NHSL2: variants seen among roughly 807,000 people sequenced by gnomAD.
The protein encoded by NHSL2 is NHS-like protein 2.
Under a neutral mutation model 53.4 loss-of-function variants are expected in NHSL2, and 27 were observed. That is an observed-to-expected ratio of 0.51 (90% CI 0.37 to 0.70). The LOEUF (loss-of-function observed/expected upper bound fraction) is 0.70, where lower values mean the gene tolerates loss of function less well. Among genes scored for constraint, NHSL2 ranks in the 30% least tolerant of loss-of-function variants. NHSL2 has a pLI of 0.00. For missense variants in NHSL2, 892 were observed against 980.1 expected (o/e 0.91, Z 1.20); for synonymous variants, 408 against 404.1 (o/e 1.01, Z -0.12).
intron 1 of NHSL2, among the ~76,000 whole-genome samples, chrX:72,121,539 C>T (rs1897984166): frequency 9.0e-6 from 1 of 111,726 alleles, no homozygotes; most frequent in Admixed American, 9.4e-5. Flanking sequence ...TCAGCCCCAC[C>T]CTGGGCTGCT....
At chrX:72,071,882 G>A (rs1447765966) in intron 1 of NHSL2, among the ~76,000 whole-genome samples, 1 of 111,385 alleles carries the variant, frequency 9.0e-6, no homozygotes, top group Non-Finnish European at 1.9e-5. Context: ...ATTCATTTTC[G>A]AGGCCTCCTC....
At chrX:71,970,297 T>C (rs2041919754) in intron 1 of NHSL2, among the ~76,000 whole-genome samples, 1 of 112,231 alleles carries the variant, frequency 8.9e-6, no homozygotes, top group Non-Finnish European at 1.9e-5. Context: ...TCCCCGTTTT[T>C]GGAAGAGTTT....
intron 5 of NHSL2, 68 bp from the exon 6 acceptor site, chrX:72,138,373 C>T: frequency 1.1e-6 from 1 of 927,767 alleles, no homozygotes; most frequent in Non-Finnish European, 1.4e-6. Flanking sequence ...AGTTGGTGCT[C>T]CTGTCTCAAA....
chrX:72,079,975 A>T (rs1354613687), intron 1 of NHSL2: 1 of 112,613 alleles, frequency 8.9e-6, no homozygotes, highest in Non-Finnish European at 1.9e-5. Flanking sequence ...AGAGAGAGGA[A>T]ACTCACTTTT....
chrX:72,092,166 G>A (rs1370015506), intron 1 of NHSL2, among the ~76,000 whole-genome samples: 1 of 111,669 alleles, frequency 9.0e-6, no homozygotes, highest in Admixed American at 9.5e-5. Flanking sequence ...TTCCTTGGGC[G>A]ATGGGACATA....
chrX:71,990,131 C>T (rs752383192), intron 1 of NHSL2, among the ~76,000 whole-genome samples: 10 of 110,872 alleles, frequency 9.0e-5, no homozygotes, highest in South Asian at 3.8e-4. Flanking sequence ...AGTTCGGGGG[C>T]GGAGAATGTA....
chrX:72,047,180 C>T (rs1375950086), intron 1 of NHSL2, among the ~76,000 whole-genome samples: 1 of 111,414 alleles, frequency 9.0e-6, no homozygotes, highest in Admixed American at 9.5e-5. Context: ...TCTTCAGCCA[C>T]CATCCTGAAA....
intron 1 of NHSL2, among the ~76,000 whole-genome samples, chrX:71,944,749 C>T (rs2041784558): frequency 8.9e-6 from 1 of 111,759 alleles, no homozygotes; most frequent in African/African-American, 3.3e-5. Context: ...ATTGAATTTG[C>T]ACCCAAAGAA....
rs760359675 is a variant in NHSL2 at position 72,146,376 on chromosome X, A to G, written c.*2802A>G. 5.3e-5 allele frequency: 6 copies of G among 112,466 alleles called. No homozygotes were observed. Among genetic ancestry groups the G allele is most frequent in the East Asian group, 2.8e-4 (1 of 3,592 alleles). The allele number at this position is 112,466 out of a possible 1,213,427, so 9.3% of individuals were successfully genotyped here. The stretch of plus-strand genomic sequence containing the variant: ...CTCTCCCACCCAGGCACTTACCACA[A>G]TGTTTGCTGCCTTCTGCACCTACGC... On this transcript the variant is annotated 3_prime_UTR_variant, in exon 8 of 8. Transcript: ENST00000633930.
At chrX:72,129,404 A>G (rs1033524297) in intron 1 of NHSL2, 1 of 133,691 alleles carries the variant, frequency 7.5e-6, no homozygotes, top group African/African-American at 3.2e-5. Context: ...ATTGGGGCAG[A>G]TCAGTGAGGC....
At chrX:71,991,640 C>T (rs1006869016) in intron 1 of NHSL2, among the ~76,000 whole-genome samples, 4 of 112,665 alleles carry the variant, frequency 3.6e-5, no homozygotes, top group Non-Finnish European at 7.5e-5. Flanking sequence ...CCAAGCACAG[C>T]GTGCCTATTG....
At chrX:72,029,246 G>A (rs1385176045) in intron 1 of NHSL2, among the ~76,000 whole-genome samples, 1 of 111,132 alleles carries the variant, frequency 9.0e-6, no homozygotes, top group African/African-American at 3.3e-5. Context: ...TGAGACCAAT[G>A]CCAGCGCCTG....
chrX:72,005,386 G>C (rs1282866978), intron 1 of NHSL2, among the ~76,000 whole-genome samples: 2 of 112,535 alleles, frequency 1.8e-5, no homozygotes, highest in Non-Finnish European at 3.8e-5. Context: ...AGTGGTCACT[G>C]TGTTTCTTGG....
At chrX:72,062,159 A>T (rs1246364036) in intron 1 of NHSL2, among the ~76,000 whole-genome samples, 1 of 112,275 alleles carries the variant, frequency 8.9e-6, no homozygotes, top group South Asian at 3.7e-4. Flanking sequence ...AATAGAGTGC[A>T]ATACATGTTT....
chrX:72,131,092 C>A lies in NHSL2; in HGVS notation c.281-987C>A. Reference sequence around the variant, plus strand: ...TCCTGAAAAGGGCTCTATCTCAGGCCGCTCCAGCGGTGCCAGAGGGGGTTG... The same window carrying A: ...TCCTGAAAAGGGCTCTATCTCAGGCAGCTCCAGCGGTGCCAGAGGGGGTTG... On this transcript the variant is annotated intron_variant, in intron 1 of 7. Coordinates refer to ENST00000633930, the MANE Select transcript of NHSL2 (RefSeq NM_001013627.3). 8.3e-7 allele frequency: 1 copy of A among 1,208,499 alleles called. No individual in the cohort carries two copies. The highest frequency in any genetic ancestry group is 1.1e-6 in the Non-Finnish European group (1 of 894,267).
At chrX:72,141,110 C>T (rs2042415133) in intron 6 of NHSL2, 1 of 174,251 alleles carries the variant, frequency 5.7e-6, no homozygotes, top group Admixed American at 7.3e-5. Context: ...GTCTTGGGAA[C>T]TACTCCACCT....
chrX:72,144,594 GGTTTT>G lies in NHSL2; in HGVS notation c.*1025_*1029del. The G allele has an allele frequency of 1.0e-6, 1 of 983,548 alleles. No individual in the cohort carries two copies. The highest frequency in any genetic ancestry group is 1.4e-6 in the Non-Finnish European group (1 of 739,429). 81.1% of individuals were successfully genotyped at this position (983,548 alleles called of 1,213,427 possible). ...TCAGATCGTGGTTTGTGGTTGGTTT[GGTTTT>G]GTTTAAAGGAAGTCCGACTCTGTTC... On this transcript the variant is annotated 3_prime_UTR_variant, in exon 8 of 8. Coordinates refer to ENST00000633930, the MANE Select transcript of NHSL2 (RefSeq NM_001013627.3).
In NHSL2 at chrX:72,143,463, A is replaced by C. The variant is rs140433115; in HGVS notation, c.3567A>C (p.Pro1189=). The C allele has an allele frequency of 5.9e-3, 6,896 of 1,164,405 alleles. 13 individuals carry two copies. Among genetic ancestry groups the C allele is most frequent in the Non-Finnish European group, 7.3e-3 (6,325 of 871,289 alleles). ...LLQKKGSKAT[P]RSRPSAAELL... is the part of the protein sequence containing the mutation. ...AGAAGAAGGGAAGTAAGGCAACTCC[A>C]AGGTCTCGTCCCTCAGCAGCTGAAC... The change falls in exon 8 of 8, where the codon CCA becomes CCC. Residue 1189 remains proline (P), a synonymous_variant. Transcript: ENST00000633930.
At position 72,143,698 on chromosome X, in the gene NHSL2, C is replaced by G. The variant is rs1357468245; in HGVS notation, c.*124C>G. The G allele has an allele frequency of 2.2e-6, 1 of 463,560 alleles. No homozygotes were observed. Among genetic ancestry groups the G allele is most frequent in the African/African-American group, 2.5e-5 (1 of 40,758 alleles). 38.2% of individuals were successfully genotyped at this position (463,560 alleles called of 1,213,427 possible). A position where few individuals can be genotyped will look rare whatever the true frequency, so the allele number is the denominator to read the frequency against. On this transcript the variant is annotated 3_prime_UTR_variant, in exon 8 of 8. Coordinates refer to ENST00000633930, the MANE Select transcript of NHSL2 (RefSeq NM_001013627.3). ...CATTTCTTTTATATTAACTCACACT[C>G]TGGACAGCAGGAGAGAGGCTACTTC...
Sources: gnomAD v4.1 joint callset for allele counts (sites outside exome capture counted in the v4.1 genomes callset) on GRCh38, gnomAD v4.1.1 for gene constraint, MANE v1.5 for transcripts, NCBI Gene and HGNC (gene_info 2026-07-23, HGNC 2026-07-21) for gene names.